PPARGC1A: variants seen among roughly 807,000 people sequenced by gnomAD.
PPARGC1A encodes the protein peroxisome proliferator-activated receptor gamma coactivator 1-alpha.
In PPARGC1A, 25 loss-of-function variants were observed where a neutral mutation model predicts 88.7. The ratio of observed to expected loss-of-function variants is 0.28; its 90% CI spans 0.21 to 0.39. The LOEUF (loss-of-function observed/expected upper bound fraction) is 0.39. Among genes scored for constraint, PPARGC1A ranks in the 10% least tolerant of loss-of-function variants. The pLI is 1.00. For missense variants in PPARGC1A, 880 were observed against 968.7 expected (o/e 0.91, Z 1.22); for synonymous variants, 363 against 355.6 (o/e 1.02, Z -0.24).
At chr4:24,384,562 A>C in the PPARGC1A span, among the ~76,000 whole-genome samples, 234 of 150,398 alleles carry the variant, frequency 1.6e-3, no homozygotes, top group African/African-American at 5.3e-3. Context: ...GGAAAGCAAA[A>C]AAAAAAAAAA....
the PPARGC1A span, among the ~76,000 whole-genome samples, chr4:24,035,398 G>A: frequency 5.3e-5 from 8 of 151,634 alleles, no homozygotes; most frequent in African/African-American, 1.9e-4. Flanking sequence ...AAAATTAGCC[G>A]GGTGTGGTGG....
chr4:24,089,604 G>A, the PPARGC1A span, among the ~76,000 whole-genome samples: 3 of 148,726 alleles, frequency 2.0e-5, no homozygotes, highest in South Asian at 2.1e-4. Context: ...TCCGCCTCCC[G>A]GGTTCACGCC....
At chr4:24,188,097 A>T in the PPARGC1A span, among the ~76,000 whole-genome samples, 2 of 152,218 alleles carry the variant, frequency 1.3e-5, no homozygotes, top group Non-Finnish European at 2.9e-5. Flanking sequence ...TATAATTCCA[A>T]TGTGTAAGGC....
At chr4:23,933,742 T>C in the PPARGC1A span, among the ~76,000 whole-genome samples, 1 of 152,176 alleles carries the variant, frequency 6.6e-6, no homozygotes, top group African/African-American at 2.4e-5. Flanking sequence ...AATGCCTTCT[T>C]TTATATAGAG....
the PPARGC1A span, among the ~76,000 whole-genome samples, chr4:24,339,208 GTGTGTATATATATA>G: frequency 5.2e-5 from 2 of 38,228 alleles, no homozygotes; most frequent in African/African-American, 1.3e-4. Flanking sequence ...GTGTGTGTGT[GTGTGTATATATATA>G]TATATATATA....
chr4:24,329,999 G>T, the PPARGC1A span, among the ~76,000 whole-genome samples: 1 of 152,136 alleles, frequency 6.6e-6, no homozygotes, highest in Non-Finnish European at 1.5e-5. Flanking sequence ...CAAATCTACT[G>T]CCTGGCTTTC....
chr4:23,903,186 G>T (rs576059623), upstream of PPARGC1A, among the ~76,000 whole-genome samples: 6 of 152,146 alleles, frequency 3.9e-5, no homozygotes, highest in East Asian at 1.2e-3. Flanking sequence ...TAGGACTTGA[G>T]AAAAAAGAAT....
chr4:24,170,131 A>G, the PPARGC1A span, among the ~76,000 whole-genome samples: 1 of 152,218 alleles, frequency 6.6e-6, no homozygotes, highest in Non-Finnish European at 1.5e-5. Context: ...TAAAAATAAG[A>G]GAAAGCATAG....
the PPARGC1A span, among the ~76,000 whole-genome samples, chr4:24,161,825 C>A: frequency 6.6e-6 from 1 of 152,104 alleles, no homozygotes; most frequent in African/African-American, 2.4e-5. Flanking sequence ...GGTGATATAA[C>A]TCTTTCACTT....
chr4:24,267,064 T>G, the PPARGC1A span, among the ~76,000 whole-genome samples: 2 of 152,300 alleles, frequency 1.3e-5, no homozygotes, highest in African/African-American at 4.8e-5. Context: ...AATTGGATCT[T>G]ACTTCAAAGC....
chr4:24,398,816 C>T, the PPARGC1A span, among the ~76,000 whole-genome samples: 1 of 152,140 alleles, frequency 6.6e-6, no homozygotes, highest in African/African-American at 2.4e-5. Flanking sequence ...CTGAGCACCC[C>T]AATCCAGGAC....
chr4:24,156,511 G>A, the PPARGC1A span, among the ~76,000 whole-genome samples: 4 of 152,098 alleles, frequency 2.6e-5, no homozygotes, highest in African/African-American at 4.8e-5. Flanking sequence ...TCAATCACTC[G>A]TGGAAAATGC....
At chr4:24,336,380 T>G in the PPARGC1A span, among the ~76,000 whole-genome samples, 1 of 152,198 alleles carries the variant, frequency 6.6e-6, no homozygotes, top group Admixed American at 6.5e-5. Context: ...CATCTAATTT[T>G]AAATGGATTA....
chr4:23,844,798 T>C (rs1397063971), intron 2 of PPARGC1A, among the ~76,000 whole-genome samples: 1 of 124,948 alleles, frequency 8.0e-6, no homozygotes, highest in Non-Finnish European at 1.6e-5. Flanking sequence ...TAATATATGA[T>C]ATATATTATT....
chr4:24,059,656 T>G, the PPARGC1A span, among the ~76,000 whole-genome samples: 1 of 152,154 alleles, frequency 6.6e-6, no homozygotes, highest in Non-Finnish European at 1.5e-5. Flanking sequence ...CAAGGGTCAC[T>G]TCCCCAAAAA....
chr4:24,250,436 A>G, the PPARGC1A span, among the ~76,000 whole-genome samples: 1 of 152,196 alleles, frequency 6.6e-6, no homozygotes, highest in African/African-American at 2.4e-5. Context: ...GAGATACAGG[A>G]GAGATACACA....
At chr4:23,996,960 A>G in the PPARGC1A span, among the ~76,000 whole-genome samples, 3 of 152,096 alleles carry the variant, frequency 2.0e-5, no homozygotes, top group East Asian at 1.9e-4. Context: ...GGTTTCCTGG[A>G]GTTTGGTGTT....
the PPARGC1A span, among the ~76,000 whole-genome samples, chr4:24,099,287 CA>C: frequency 0.22 from 14,571 of 66,962 alleles, 537 homozygotes; most frequent in East Asian, 0.31. Flanking sequence ...CTCCCTCCTG[CA>C]AAAAAAAAAA....
the PPARGC1A span, among the ~76,000 whole-genome samples, chr4:24,118,338 T>G: frequency 6.6e-6 from 1 of 152,118 alleles, no homozygotes; most frequent in Non-Finnish European, 1.5e-5. Context: ...TTTGAACGTT[T>G]GAAGAAAATT....
Sources: gnomAD v4.1 joint callset for allele counts (sites outside exome capture counted in the v4.1 genomes callset) on GRCh38, gnomAD v4.1.1 for gene constraint, MANE v1.5 for transcripts, NCBI Gene and HGNC (gene_info 2026-07-23, HGNC 2026-07-21) for gene names.